VSNL1: variants seen among roughly 807,000 people sequenced by gnomAD.
The protein encoded by VSNL1 is visinin-like protein 1.
A neutral mutation model predicts 20.4 loss-of-function variants in VSNL1; 6 were observed. The ratio of observed to expected loss-of-function variants is 0.29; its 90% CI spans 0.16 to 0.58. The LOEUF (loss-of-function observed/expected upper bound fraction) is 0.58, where lower values mean the gene tolerates loss of function less well. Among genes scored for constraint, VSNL1 ranks in the 20% least tolerant of loss-of-function variants. The pLI is 0.90. For missense variants in VSNL1, 100 were observed against 234.5 expected (o/e 0.43, Z 3.75); for synonymous variants, 93 against 86.4 (o/e 1.08, Z -0.42).
chr2:17,543,766 G>C (rs543318728), intron 1 of VSNL1, among the ~76,000 whole-genome samples: 17 of 152,258 alleles, frequency 1.1e-4, no homozygotes, highest in African/African-American at 4.1e-4. Flanking sequence ...CTCTCATCTT[G>C]CTGGATGAGG....
chr2:17,607,934 A>G (rs1468224487), intron 2 of VSNL1, among the ~76,000 whole-genome samples: 1 of 152,388 alleles, frequency 6.6e-6, no homozygotes, highest in Non-Finnish European at 1.5e-5. Context: ...ACAGAATAAC[A>G]TAACATCCCC....
chr2:17,622,546 A>AAGAAAG lies in VSNL1; in HGVS notation c.163-26862_163-26857dup, dbSNP rs1341876061. Among the ~76,000 whole-genome samples, 35 of 76,360 alleles carry AAGAAAG rather than the reference A, an allele frequency of 4.6e-4. 1 individual carries two copies. In the East Asian group the frequency reaches 6.0e-3, roughly 13 times the overall value. The allele number at this position is 76,360 out of a possible 152,430, so 50.1% of individuals were successfully genotyped here. ...AAGAAAGAAAGAAAAGAAAGAAAGA[A>AAGAAAG]AGAAAGAAAGAAAGAAAGAAAGAAA... On this transcript the variant is annotated intron_variant, in intron 2 of 3. Coordinates refer to ENST00000295156, the MANE Select transcript of VSNL1 (RefSeq NM_003385.5).
chr2:17,583,219 A>G (rs1664391566), intron 1 of VSNL1, among the ~76,000 whole-genome samples: 1 of 152,166 alleles, frequency 6.6e-6, no homozygotes, highest in South Asian at 2.1e-4. Context: ...CTCTGAATGC[A>G]AAGACAGGGG....
Position 17,656,853 on chromosome 2 carries a change from A to G in VSNL1, c.*1459A>G, listed in dbSNP as rs897415293. 5 of 152,346 alleles carry G rather than the reference A, an allele frequency of 3.3e-5. No homozygotes were observed. The highest frequency in any genetic ancestry group is 7.2e-5 in the African/African-American group (3 of 41,582). The allele number at this position is 152,346 out of a possible 1,614,324, so 9.4% of individuals were successfully genotyped here. A position where few individuals can be genotyped will look rare whatever the true frequency, so the allele number is the denominator to read the frequency against. ...ACTAAGGAACTGAATTTTATACTGT[A>G]ATTAAGTGTAATTTGCCACATATAG... On this transcript the variant is annotated 3_prime_UTR_variant, in exon 4 of 4. Transcript: ENST00000295156.
chr2:17,595,538 C>A (rs937416191), intron 2 of VSNL1, among the ~76,000 whole-genome samples: 1 of 152,198 alleles, frequency 6.6e-6, no homozygotes, highest in African/African-American at 2.4e-5. Flanking sequence ...TGTCCCCTAG[C>A]AGATAGCTCT....
chr2:17,613,500 T>TG (rs1665139647), intron 2 of VSNL1, among the ~76,000 whole-genome samples: 3 of 152,198 alleles, frequency 2.0e-5, no homozygotes, highest in Admixed American at 2.0e-4. Flanking sequence ...CTGGCCCCTG[T>TG]GATGCATCCT....
At chr2:17,604,923 G>T (rs1423679226) in intron 2 of VSNL1, among the ~76,000 whole-genome samples, 4 of 152,170 alleles carry the variant, frequency 2.6e-5, no homozygotes, top group Non-Finnish European at 4.4e-5. Context: ...CTCTATCCGA[G>T]GCAGAGACAA....
chr2:17,629,022 GAGCCAAGGCAAAGCTTCAGA>G (rs1187916753), intron 2 of VSNL1, among the ~76,000 whole-genome samples: 2 of 152,210 alleles, frequency 1.3e-5, no homozygotes, highest in African/African-American at 4.8e-5. Flanking sequence ...ACAGGGCTCA[GAGCCAAGGCAAAGCTTCAGA>G]AGCCCAGCCA....
intron 2 of VSNL1, among the ~76,000 whole-genome samples, chr2:17,599,992 C>A (rs1664790171): frequency 6.6e-6 from 1 of 152,202 alleles, no homozygotes; most frequent in Non-Finnish European, 1.5e-5. Context: ...CCTGGGAAAT[C>A]ATTTCTTGAC....
intron 3 of VSNL1, among the ~76,000 whole-genome samples, chr2:17,653,481 T>C (rs2103434118): frequency 6.6e-6 from 1 of 152,328 alleles, no homozygotes; most frequent in South Asian, 2.1e-4. Context: ...CATTCCGTGC[T>C]TTTCCTTTGT....
intron 2 of VSNL1, among the ~76,000 whole-genome samples, chr2:17,616,084 T>C (rs1665209641): frequency 6.6e-6 from 1 of 152,246 alleles, no homozygotes; most frequent in Non-Finnish European, 1.5e-5. Context: ...ACTAAGACTG[T>C]CTGCCAAAGG....
At chr2:17,579,633 A>G (rs1007673621) in intron 1 of VSNL1, among the ~76,000 whole-genome samples, 2 of 152,204 alleles carry the variant, frequency 1.3e-5, no homozygotes, top group Non-Finnish European at 2.9e-5. Flanking sequence ...GACTTTTGCA[A>G]AGGTCACACA....
At position 17,598,294 on chromosome 2, in the gene VSNL1, A is replaced by T. The variant is rs1394412436; in HGVS notation, c.162+6058A>T. Among the ~76,000 whole-genome samples, 4 of 152,250 alleles carry T rather than the reference A, an allele frequency of 2.6e-5. No individual in the cohort carries two copies. In the South Asian group the frequency reaches 8.3e-4, roughly 31 times the overall value. On this transcript the variant is annotated intron_variant, in intron 2 of 3. Coordinates refer to ENST00000295156, the MANE Select transcript of VSNL1 (RefSeq NM_003385.5). ...TCTTATAGAATATGAAATAAAATAT[A>T]TAATCAAGGTCTGCACTGTTTGCTG...
At chr2:17,612,343 A>G (rs1665111624) in intron 2 of VSNL1, among the ~76,000 whole-genome samples, 1 of 152,182 alleles carries the variant, frequency 6.6e-6, no homozygotes, top group Admixed American at 6.5e-5. Flanking sequence ...CCCCTCCCTA[A>G]GTGCTCCACA....
intron 2 of VSNL1, among the ~76,000 whole-genome samples, chr2:17,598,766 ATTCTAGG>A (rs1664765349): frequency 6.6e-6 from 1 of 152,240 alleles, no homozygotes; most frequent in South Asian, 2.1e-4. Context: ...CAGACGTAAC[ATTCTAGG>A]TTCCATAACA....
intron 2 of VSNL1, among the ~76,000 whole-genome samples, chr2:17,605,983 T>G (rs1171759355): frequency 6.6e-6 from 1 of 152,238 alleles, no homozygotes; most frequent in African/African-American, 2.4e-5. Context: ...CTGCATATAT[T>G]AACTCATTTC....
rs1409605725 is a variant in VSNL1 at position 17,623,853 on chromosome 2, G to T, written c.163-25557G>T. ...CCAAATAAATTCCAGATAAATTAAA[G>T]AATTAATAGCTTACATTAAATAATA... On this transcript the variant is annotated intron_variant, in intron 2 of 3. Coordinates refer to ENST00000295156, the MANE Select transcript of VSNL1 (RefSeq NM_003385.5). Among the ~76,000 whole-genome samples, 6 of 152,204 alleles carry T rather than the reference G, an allele frequency of 3.9e-5. 1 individual carries two copies. Among genetic ancestry groups the T allele is most frequent in the South Asian group, 4.1e-4 (2 of 4,820 alleles).
chr2:17,638,043 T>C (rs939816762), intron 2 of VSNL1, among the ~76,000 whole-genome samples: 7 of 152,164 alleles, frequency 4.6e-5, no homozygotes, highest in Non-Finnish European at 7.4e-5. Flanking sequence ...TCTGTCTCAC[T>C]AGAATGCATG....
intron 2 of VSNL1, among the ~76,000 whole-genome samples, chr2:17,623,183 T>C (rs1439138129): frequency 6.6e-6 from 1 of 152,130 alleles, no homozygotes; most frequent in Non-Finnish European, 1.5e-5. Context: ...AAAAATTGAA[T>C]AGATGTAATT....
Sources: allele counts gnomAD v4.1 joint callset (sites outside exome capture counted in the v4.1 genomes callset), GRCh38; gene constraint gnomAD v4.1.1; transcripts MANE v1.5; gene names NCBI Gene and HGNC (gene_info 2026-07-23, HGNC 2026-07-21).